PIEZO2: variants seen among roughly 807,000 people sequenced by gnomAD.
PIEZO2 encodes piezo type mechanosensitive ion channel component 2.
Under a neutral mutation model 337.3 loss-of-function variants are expected in PIEZO2, and 172 were observed. That is an observed-to-expected ratio of 0.51 (90% CI 0.45 to 0.58). The LOEUF is 0.58. Ranked by LOEUF, PIEZO2 falls within the 20% of genes least tolerant of loss-of-function variation. The pLI, the probability that PIEZO2 is intolerant of heterozygous loss-of-function variation, is 0.00. For synonymous variants in PIEZO2, 1,251 were observed against 1,228.5 expected, an observed-to-expected ratio of 1.02 and a Z score of -0.38; for missense variants, 3,028 against 3,391.3, an observed-to-expected ratio of 0.89 and a Z score of 2.66.
At chr18:10,715,389 G>A (rs1483135743) in intron 38 of PIEZO2, among the ~76,000 whole-genome samples, 1 of 152,186 alleles carries the variant, frequency 6.6e-6, no homozygotes, top group African/African-American at 2.4e-5. Flanking sequence ...CTGTACACCT[G>A]CAAACTGTGG....
rs143677068 is a variant in PIEZO2, at chr18:10,809,423, A to C, written c.918-2149T>G. Among the ~76,000 whole-genome samples, 415 of 151,866 alleles carry C rather than the reference A, an allele frequency of 2.7e-3. 5 individuals are homozygous for C. Among genetic ancestry groups the C allele is most frequent in the Admixed American group, 0.021 (315 of 15,226 alleles). On this transcript the variant is annotated intron_variant, in intron 7 of 55. Transcript: ENST00000674853. The stretch of plus-strand genomic sequence containing the variant: ...GTAGCTGGAACCACAGGTGCGCACC[A>C]CCATGCCAGCTAATTTTTGTATTTG...
chr18:10,808,836 C>A (rs2040082261), intron 7 of PIEZO2, among the ~76,000 whole-genome samples: 1 of 152,198 alleles, frequency 6.6e-6, no homozygotes, highest in Non-Finnish European at 1.5e-5. Context: ...TAAAATCAGA[C>A]AAGCTAGATA....
intron 3 of PIEZO2, among the ~76,000 whole-genome samples, chr18:10,957,019 A>G (rs924480397): frequency 6.6e-6 from 1 of 151,850 alleles, no homozygotes; most frequent in African/African-American, 2.4e-5. Context: ...TATACAGTCC[A>G]GAAATAAACC....
At position 11,143,225 on chromosome 18, in the gene PIEZO2, C is replaced by T. The variant is rs1316747898; in HGVS notation, c.64+5300G>A. On this transcript the variant is annotated intron_variant, in intron 1 of 55. Transcript: ENST00000674853. The surrounding 1 kb of genome is among the most constrained non-coding windows in gnomAD (Gnocchi z 4.9). ...ATAAGCTGTAATGTTGTAGATTATA[C>T]ACATGGTATCATATTGTTCTTCATC... is the stretch of plus-strand genomic sequence containing the variant. Among the ~76,000 whole-genome samples the T allele has an allele frequency of 6.6e-6, 1 of 152,080 alleles. No individual in the cohort carries two copies. Among genetic ancestry groups the T allele is most frequent in the Non-Finnish European group, 1.5e-5 (1 of 68,026 alleles).
intron 4 of PIEZO2, among the ~76,000 whole-genome samples, chr18:10,884,626 T>A (rs967582563): frequency 1.3e-5 from 2 of 152,142 alleles, no homozygotes; most frequent in African/African-American, 4.8e-5. Context: ...AAGGACACCA[T>A]TAACGACTAG....
chr18:11,124,256 G>A (rs2040117622), intron 1 of PIEZO2, among the ~76,000 whole-genome samples: 2 of 152,202 alleles, frequency 1.3e-5, no homozygotes, highest in South Asian at 4.1e-4. Context: ...TCAGCCACTT[G>A]TAATCAGATC....
In PIEZO2 at chr18:10,676,719, G is replaced by A. The variant is rs955775084; in HGVS notation, c.8081+1028C>T. Among the ~76,000 whole-genome samples the A allele has an allele frequency of 2.6e-5, 4 of 152,202 alleles. No individual in the cohort carries two copies. The highest frequency in any genetic ancestry group is 9.7e-5 in the African/African-American group (4 of 41,448). ...TGGGCCAGGTGGACAGAGAGTGGGAGGAGAATGTGCTTGACACTAGTGGCT... is the reference window on the plus strand; with the variant it reads ...TGGGCCAGGTGGACAGAGAGTGGGAAGAGAATGTGCTTGACACTAGTGGCT... On this transcript the variant is annotated intron_variant, in intron 53 of 55. Transcript: ENST00000674853. The surrounding 1 kb of genome is among the most constrained non-coding windows in gnomAD (Gnocchi z 5.1).
intron 52 of PIEZO2, 72 bp downstream of exon 52, chr18:10,680,127 C>A: frequency 2.2e-6 from 3 of 1,336,086 alleles, no homozygotes; most frequent in East Asian, 2.4e-5. Context: ...CATCCCACCA[C>A]ACCCTCCCTC....
At chr18:10,984,880 C>T (rs147199882) in intron 2 of PIEZO2, among the ~76,000 whole-genome samples, 3 of 152,236 alleles carry the variant, frequency 2.0e-5, no homozygotes, top group African/African-American at 7.2e-5. Context: ...CTTCAAAAGG[C>T]TATCAGTAGA....
intron 1 of PIEZO2, among the ~76,000 whole-genome samples, chr18:11,107,240 A>T (rs1332659978): frequency 6.6e-6 from 1 of 152,230 alleles, no homozygotes; most frequent in African/African-American, 2.4e-5. Flanking sequence ...AACAGTGCAC[A>T]GCATGTCATA....
chr18:10,733,370 C>T (rs1037558143), intron 35 of PIEZO2, among the ~76,000 whole-genome samples: 3 of 151,666 alleles, frequency 2.0e-5, no homozygotes, highest in East Asian at 1.9e-4. Flanking sequence ...GTCAGAAAAA[C>T]GTTGACAATG....
chr18:10,765,595 C>A (rs532013951), intron 21 of PIEZO2, among the ~76,000 whole-genome samples: 12 of 152,188 alleles, frequency 7.9e-5, no homozygotes, highest in Admixed American at 1.3e-4. Context: ...GCAATGGAGG[C>A]AGAGGGAGTG....
At position 10,863,525 on chromosome 18, in the gene PIEZO2, A is replaced by C. The variant is rs1446952558; in HGVS notation, c.493-6314T>G. ...GTTTAATAAAGAACAGGGAAGGACA[A>C]ACTGAATCAGCAGACAGTGGCCAGT... On this transcript the variant is annotated intron_variant, in intron 5 of 55. Coordinates refer to ENST00000674853, the MANE Select transcript of PIEZO2 (RefSeq NM_001378183.1). The surrounding 1 kb of genome is among the most constrained non-coding windows in gnomAD (Gnocchi z 4.3). 6.6e-6 allele frequency among the ~76,000 whole-genome samples: 1 copy of C among 152,212 alleles called. No homozygotes were observed. The highest frequency in any genetic ancestry group is 1.9e-4 in the East Asian group (1 of 5,194).
At chr18:10,698,846 G>T (rs987230539) in intron 44 of PIEZO2, 79 bp downstream of exon 44, 2 of 1,494,980 alleles carry the variant, frequency 1.3e-6, no homozygotes, top group African/African-American at 1.4e-5. Flanking sequence ...ACACTCCCTT[G>T]CCCCAGACCC....
intron 14 of PIEZO2, among the ~76,000 whole-genome samples, chr18:10,789,910 C>T (rs1746809546): frequency 6.6e-6 from 1 of 152,006 alleles, no homozygotes; most frequent in South Asian, 2.1e-4. Context: ...AAATAAAAAA[C>T]TTATTTTGTG....
intron 8 of PIEZO2, 107 bp downstream of exon 8, chr18:10,807,005 G>T: frequency 1.7e-6 from 2 of 1,152,786 alleles, no homozygotes; most frequent in Non-Finnish European, 2.4e-6. Flanking sequence ...CTAGAGTTGT[G>T]TTGGAATAGA....
chr18:10,924,125 C>T (rs974357134), intron 3 of PIEZO2, among the ~76,000 whole-genome samples: 4 of 152,218 alleles, frequency 2.6e-5, no homozygotes, highest in African/African-American at 9.6e-5. Context: ...AATTCCTGCT[C>T]TCCACTCTGT....
intron 40 of PIEZO2, 88 bp from the exon 41 acceptor site, chr18:10,705,834 A>G (rs2035563826): frequency 7.2e-7 from 1 of 1,390,128 alleles, no homozygotes; most frequent in Non-Finnish European, 9.4e-7. Context: ...CCTCATCAGA[A>G]CTCCTAAGGA....
chr18:10,690,156 G>A (rs1214541644), intron 48 of PIEZO2, among the ~76,000 whole-genome samples: 1 of 152,138 alleles, frequency 6.6e-6, no homozygotes, highest in Admixed American at 6.5e-5. Flanking sequence ...CTCTGTTGCT[G>A]GATGAGTTAG....
Sources: gnomAD v4.1 joint callset for allele counts (sites outside exome capture counted in the v4.1 genomes callset) on GRCh38, gnomAD v4.1.1 for gene constraint, Gnocchi (gnomAD v3.1) non-coding constraint, MANE v1.5 for transcripts, NCBI Gene and HGNC (gene_info 2026-07-23, HGNC 2026-07-21) for gene names.